SURF2: variants seen among roughly 807,000 people sequenced by gnomAD.
SURF2 encodes surfeit locus protein 2.
SURF2 carries 32 observed loss-of-function variants against 26.2 expected under a neutral mutation model. The observed-to-expected ratio is 1.22, with a 90% confidence interval of 0.92 to 1.64. The LOEUF (loss-of-function observed/expected upper bound fraction) is 1.64. Among genes scored for constraint, SURF2 ranks in the 40% most tolerant of loss-of-function variants. SURF2 has a pLI of 0.00. For synonymous variants in SURF2, 173 were observed against 139.1 expected (o/e 1.24, Z -1.71); for missense variants, 415 against 341.6 (o/e 1.21, Z -1.69).
chr9:133,360,425 G>T lies in SURF2; in HGVS notation c.678G>T (p.Lys226Asn). 6.2e-7 allele frequency: 1 copy of T among 1,607,350 alleles called. No individual in the cohort carries two copies. Among genetic ancestry groups the T allele is most frequent in the South Asian group, 1.1e-5 (1 of 90,498 alleles). ...CCGTGTACCGAGGGCTGGTCCAGAA[G>T]CGCGGGAAGGTGAGCTGTCACCTCC... ...ETTVYRGLVQ[K>N]RGKKQLGSLK... The change falls in exon 5 of 6, where the codon AAG (lysine) becomes AAT (asparagine). Residue 226 changes from lysine to asparagine, a missense_variant. Physicochemically the swap from Lys to Asn is moderately conservative, Grantham distance 94. Transcript: ENST00000371964.
At chr9:133,359,155 G>A (rs1188346898) in intron 3 of SURF2, among the ~76,000 whole-genome samples, 1 of 152,194 alleles carries the variant, frequency 6.6e-6, no homozygotes, top group Non-Finnish European at 1.5e-5. Context: ...TGGGACTGGG[G>A]CGCCGAGGTC....
chr9:133,357,208 C>A, intron 2 of SURF2, 140 bp downstream of exon 2: 1 of 1,107,346 alleles, frequency 9.0e-7, no homozygotes, highest in Non-Finnish European at 1.2e-6. Context: ...CTGGAATCAC[C>A]TGCGGTCCCA....
chr9:133,361,052 AC>A lies in SURF2; in HGVS notation c.688-3del. ...CAGTAATCAGAATTTTGTTTATCCC[AC>A]AGAAGCAGTTGGGCTCGTTGAAAAA... On this transcript the variant is annotated splice_polypyrimidine_tract_variant and splice_region_variant and intron_variant, in intron 5 of 5. Transcript: ENST00000371964. 1 of 1,614,106 alleles carries A rather than the reference AC, an allele frequency of 6.2e-7. No individual in the cohort carries two copies. The highest frequency in any genetic ancestry group is 8.5e-7 in the Non-Finnish European group (1 of 1,179,978).
In SURF2 at chr9:133,360,012, A is replaced by G; in HGVS notation, c.400A>G (p.Arg134Gly). 1 of 1,613,986 alleles carries G rather than the reference A, an allele frequency of 6.2e-7. No homozygotes were observed. Among genetic ancestry groups the G allele is most frequent in the Middle Eastern group, 1.7e-4 (1 of 6,058 alleles). The change falls in exon 4 of 6, where the codon AGG becomes GGG. Residue 134 changes from arginine to glycine, a missense_variant. Coordinates refer to ENST00000371964, the MANE Select transcript of SURF2 (RefSeq NM_017503.5). Reference sequence around the variant, plus strand: ...TGCCTGCCTGGTGCACCGGAGGAGGAGGAGGGAGGACCAGATGGACGGTGA... The same window carrying G: ...TGCCTGCCTGGTGCACCGGAGGAGGGGGAGGGAGGACCAGATGGACGGTGA... The part of the protein sequence containing the change: ...VPACLVHRRR[R>G]REDQMDGDGP...
Position 133,356,637 on chromosome 9 carries a change from C to G in SURF2, c.45C>G (p.His15Gln). Residue 15 changes from histidine (H) to glutamine (Q), a missense_variant, in exon 1 of 6, where the codon CAC becomes CAG. Transcript: ENST00000371964. ...ACGTGCGGGCGTTTCTGCGGGAGCACCCGAGCCTGCGGCTCCAGACGGACG... is the reference window on the plus strand; with the variant it reads ...ACGTGCGGGCGTTTCTGCGGGAGCAGCCGAGCCTGCGGCTCCAGACGGACG... ...PGDVRAFLRE[H>Q]PSLRLQTDAR... The G allele has an allele frequency of 6.6e-7, 1 of 1,526,670 alleles. No homozygotes were observed. Among genetic ancestry groups the G allele is most frequent in the Non-Finnish European group, 8.7e-7 (1 of 1,143,828 alleles). 94.6% of individuals were successfully genotyped at this position (1,526,670 alleles called of 1,614,324 possible).
Position 133,360,365 on chromosome 9 carries a change from A to G in SURF2, c.618A>G (p.Arg206=). 6.2e-7 allele frequency: 1 copy of G among 1,613,986 alleles called. No individual in the cohort carries two copies. Among genetic ancestry groups the G allele is most frequent in the Non-Finnish European group, 8.5e-7 (1 of 1,180,014 alleles). The part of the protein sequence containing the change: ...DKEDEKAKPP[R]EKATDEGRRE... ...AGGATGAGAAGGCAAAGCCCCCAAG[A>G]GAGAAGGCCACTGATGAGGGCAGGA... The change falls in exon 5 of 6, where the codon AGA becomes AGG. Residue 206 remains arginine, a synonymous_variant. Transcript: ENST00000371964.
chr9:133,357,864 C>T (rs1836651901), intron 3 of SURF2, 50 bp downstream of exon 3: 11 of 1,561,968 alleles, frequency 7.0e-6, no homozygotes, highest in Admixed American at 1.7e-5. Flanking sequence ...AGTGCATGCC[C>T]GCCTTGCCCC....
intron 2 of SURF2, 147 bp from the exon 3 acceptor site, chr9:133,357,564 C>A: frequency 2.8e-6 from 2 of 707,910 alleles, no homozygotes; most frequent in Admixed American, 2.6e-5. Context: ...CCCCACCCAG[C>A]TTCAGAGTGG....
rs2130030967 is a variant in SURF2, at chr9:133,356,897, C to T, written c.79-17C>T. 1,194 of 1,539,056 alleles carry T rather than the reference C, an allele frequency of 7.8e-4. 14 individuals are homozygous for T. In the African/African-American group the frequency reaches 0.015, roughly 19 times the overall value. ...GCCCTGGCCCTCCTGACGTCCTGCC[C>T]GCCCACGCGTCCGCAGGTGAGGTGC... On this transcript the variant is annotated splice_polypyrimidine_tract_variant and intron_variant, in intron 1 of 5. Coordinates refer to ENST00000371964, the MANE Select transcript of SURF2 (RefSeq NM_017503.5).
chr9:133,356,729 TGAGGGGAGGGCAGGGGA>T lies in SURF2; in HGVS notation c.78+64_78+80del, dbSNP rs1038991124. 7 of 1,385,948 alleles carry T rather than the reference TGAGGGGAGGGCAGGGGA, an allele frequency of 5.1e-6. No individual in the cohort carries two copies. In the African/African-American group the frequency reaches 1.2e-4, roughly 23 times the overall value. The allele number at this position is 1,385,948 out of a possible 1,614,324, so 85.9% of individuals were successfully genotyped here. On this transcript the variant is annotated intron_variant, in intron 1 of 5. Transcript: ENST00000371964. Reference sequence around the variant, plus strand: ...GAAGGGCGCAGTTGGGATGAGGGGCTGAGGGGAGGGCAGGGGAGAGGAGAGGGCAGGGGAGAGGGGAG... The same window carrying T: ...GAAGGGCGCAGTTGGGATGAGGGGCTGAGGAGAGGGCAGGGGAGAGGGGAG...
chr9:133,357,723 C>T lies in SURF2; in HGVS notation c.246C>T (p.Phe82=), dbSNP rs2130035856. The T allele has an allele frequency of 8.7e-6, 14 of 1,613,676 alleles. No homozygotes were observed. Among genetic ancestry groups the T allele is most frequent in the African/African-American group, 5.3e-5 (4 of 74,938 alleles). The change falls in exon 3 of 6, where the codon TTC becomes TTT. Residue 82 remains phenylalanine (F), a synonymous_variant. Coordinates refer to ENST00000371964, the MANE Select transcript of SURF2 (RefSeq NM_017503.5). ...VPSTKNPHQL[F]CKLTLRHINK... is the part of the protein sequence containing the mutation. ...CTCTGCTCTGTAGGCACCAGTTGTT[C>T]TGCAAACTCACCCTGCGGCACATCA...
At chr9:133,357,520 T>C (rs1836640477) in intron 2 of SURF2, among the ~76,000 whole-genome samples, 191 bp from the exon 3 acceptor site, 1 of 152,136 alleles carries the variant, frequency 6.6e-6, no homozygotes, top group Admixed American at 6.5e-5. Context: ...CCGGTAAACA[T>C]TAAGAGGCTG....
chr9:133,361,004 T>C, intron 5 of SURF2, 52 bp from the exon 6 acceptor site: 1 of 1,601,770 alleles, frequency 6.2e-7, no homozygotes, highest in South Asian at 1.1e-5. Flanking sequence ...CCAGGGCCCC[T>C]TCTCCATGGG....
In SURF2 at chr9:133,356,585, C is replaced by A. The variant is rs2130028288; in HGVS notation, c.-8C>A. ...CTTCCGCCGGGCTGCTCCGCGGGCG[C>A]GTCGGCCATGAGCGAGTTGCCGGGC... On this transcript the variant is annotated 5_prime_UTR_variant, in exon 1 of 6. Transcript: ENST00000371964. 3 of 1,518,486 alleles carry A rather than the reference C, an allele frequency of 2.0e-6. No homozygotes were observed. Among genetic ancestry groups the A allele is most frequent in the Non-Finnish European group, 2.6e-6 (3 of 1,140,484 alleles). The allele number at this position is 1,518,486 out of a possible 1,614,324, so 94.1% of individuals were successfully genotyped here.
At chr9:133,359,388 G>GC (rs1836690567) in intron 3 of SURF2, among the ~76,000 whole-genome samples, 1 of 152,192 alleles carries the variant, frequency 6.6e-6, no homozygotes. Flanking sequence ...TGGAGGGCAA[G>GC]CCCCAGCAGA....
intron 5 of SURF2, among the ~76,000 whole-genome samples, chr9:133,360,663 C>G (rs1314961097): frequency 1.3e-5 from 2 of 152,238 alleles, no homozygotes; most frequent in East Asian, 3.9e-4. Context: ...CGGTCAAGAC[C>G]ACTGGTTTGT....
chr9:133,360,376 C>T lies in SURF2; in HGVS notation c.629C>T (p.Thr210Ile), dbSNP rs1323077173. 6.2e-7 allele frequency: 1 copy of T among 1,613,698 alleles called. No individual in the cohort carries two copies. The highest frequency in any genetic ancestry group is 8.5e-7 in the Non-Finnish European group (1 of 1,180,016). The stretch of plus-strand genomic sequence containing the variant: ...GCAAAGCCCCCAAGAGAGAAGGCCA[C>T]TGATGAGGGCAGGAGAGAGACGACC... The part of the protein sequence containing the change: ...EKAKPPREKA[T>I]DEGRRETTVY... Residue 210 changes from threonine to isoleucine, a missense_variant, in exon 5 of 6, where the codon ACT becomes ATT. Physicochemically the swap from Thr to Ile is moderately conservative, Grantham distance 89 (BLOSUM62 -1). Transcript: ENST00000371964.
At chr9:133,359,264 G>A (rs143778602) in intron 3 of SURF2, among the ~76,000 whole-genome samples, 45 of 152,304 alleles carry the variant, frequency 3.0e-4, no homozygotes, top group Middle Eastern at 6.8e-3. Context: ...CCATGGGGGT[G>A]GGTGGCAGAG....
intron 3 of SURF2, among the ~76,000 whole-genome samples, chr9:133,359,137 A>C (rs1434057345): frequency 6.6e-6 from 1 of 152,118 alleles, no homozygotes; most frequent in Non-Finnish European, 1.5e-5. Context: ...TGGACTGTGG[A>C]GCTGAGATGG....
Sources: gnomAD v4.1 joint callset for allele counts (sites outside exome capture counted in the v4.1 genomes callset) on GRCh38, gnomAD v4.1.1 for gene constraint, MANE v1.5 for transcripts, NCBI Gene and HGNC (gene_info 2026-07-23, HGNC 2026-07-21) for gene names.